The following PTAR1 variants were observed in gnomAD, a reference collection of about 807,000 sequenced individuals.
PTAR1 encodes the protein protein prenyltransferase alpha subunit repeat containing 1.
Under a neutral mutation model 45.5 loss-of-function variants are expected in PTAR1, and 17 were observed. That is an observed-to-expected ratio of 0.37 (90% CI 0.26 to 0.56). The LOEUF (loss-of-function observed/expected upper bound fraction) is 0.56, where lower values mean the gene tolerates loss of function less well. Ranked by LOEUF, PTAR1 falls within the 20% of genes least tolerant of loss-of-function variation. PTAR1 has a pLI of 0.77. For missense variants in PTAR1, 391 were observed against 476.3 expected (o/e 0.82, Z 1.67); for synonymous variants, 169 against 171.3 (o/e 0.99, Z 0.11).
intron 1 of PTAR1, among the ~76,000 whole-genome samples, chr9:69,755,764 T>G (rs1242520939): frequency 2.0e-5 from 3 of 152,238 alleles, no homozygotes; most frequent in Non-Finnish European, 2.9e-5. Flanking sequence ...TTTAGATATT[T>G]CAGAAACCTT....
chr9:69,750,694 G>C (rs1484208682), intron 2 of PTAR1, 87 bp downstream of exon 2: 3 of 928,400 alleles, frequency 3.2e-6, no homozygotes, highest in African/African-American at 1.7e-5. Flanking sequence ...TAGAATCCAG[G>C]AATGCTGACA....
intron 4 of PTAR1, 128 bp downstream of exon 4, chr9:69,734,022 T>G: frequency 1.6e-6 from 1 of 606,926 alleles, no homozygotes; most frequent in Non-Finnish European, 2.9e-6. Context: ...TAGATTTAAA[T>G]GTAGGTAACC....
At chr9:69,753,140 A>AT (rs76837967) in intron 1 of PTAR1, among the ~76,000 whole-genome samples, 5 of 150,026 alleles carry the variant, frequency 3.3e-5, no homozygotes, top group Admixed American at 2.0e-4. Context: ...TTTGGGGGGG[A>AT]TTTTTTTTTT....
intron 1 of PTAR1, among the ~76,000 whole-genome samples, chr9:69,753,807 T>A (rs1826640677): frequency 6.6e-6 from 1 of 152,210 alleles, no homozygotes; most frequent in African/African-American, 2.4e-5. Flanking sequence ...GTTTCCATTC[T>A]ATCCACTGAC....
chr9:69,753,149 TTA>T (rs938194061), intron 1 of PTAR1, among the ~76,000 whole-genome samples: 9 of 152,090 alleles, frequency 5.9e-5, no homozygotes, highest in African/African-American at 2.2e-4. Flanking sequence ...GATTTTTTTT[TTA>T]AACTTAAATT....
In PTAR1 at chr9:69,710,257, T is replaced by C. The variant is rs531360769; in HGVS notation, c.*8085A>G. ...GCAAAATACACTCAAATCTAAGACT[T>C]AGTATGGAAGAAAAAGAAGATAAGG... On this transcript the variant is annotated 3_prime_UTR_variant, in exon 8 of 8. Transcript: ENST00000340434. 6.6e-6 allele frequency: 1 copy of C among 152,234 alleles called. No homozygotes were observed. Among genetic ancestry groups the C allele is most frequent in the South Asian group, 2.1e-4 (1 of 4,826 alleles). The allele number at this position is 152,234 out of a possible 1,614,324, so 9.4% of individuals were successfully genotyped here.
chr9:69,752,417 A>AT (rs979743079), intron 1 of PTAR1, among the ~76,000 whole-genome samples: 41 of 152,202 alleles, frequency 2.7e-4, no homozygotes, highest in African/African-American at 9.4e-4. Context: ...TGGCACAGGG[A>AT]TTTATCAATA....
intron 3 of PTAR1, among the ~76,000 whole-genome samples, chr9:69,736,288 GTAGC>G (rs1423507932): frequency 6.6e-6 from 1 of 152,060 alleles, no homozygotes; most frequent in African/African-American, 2.4e-5. Flanking sequence ...GCTGGGCACG[GTAGC>G]TCACGCCTGT....
rs1824536486 is a variant in PTAR1, at chr9:69,711,842, T to G, written c.*6500A>C. The G allele has an allele frequency of 6.6e-6, 1 of 152,138 alleles. No homozygotes were observed. The highest frequency in any genetic ancestry group is 1.5e-5 in the Non-Finnish European group (1 of 68,028). The allele number at this position is 152,138 out of a possible 1,614,324, so 9.4% of individuals were successfully genotyped here. ...CATGTCAAATGATATAATTTCAAAATTCCACACATATATTACTCTACAAAT... is the reference window on the plus strand; with the variant it reads ...CATGTCAAATGATATAATTTCAAAAGTCCACACATATATTACTCTACAAAT... On this transcript the variant is annotated 3_prime_UTR_variant, in exon 8 of 8. Coordinates refer to ENST00000340434, the MANE Select transcript of PTAR1 (RefSeq NM_001099666.2).
chr9:69,722,728 C>T (rs1438327100), intron 6 of PTAR1, among the ~76,000 whole-genome samples: 3 of 151,640 alleles, frequency 2.0e-5, no homozygotes, highest in Non-Finnish European at 4.4e-5. Context: ...CACCTGAGGT[C>T]AGGAGTTCGA....
rs1263297977 is a variant in PTAR1 at position 69,719,025 on chromosome 9, TAA to T, written c.948-343_948-342del. Among the ~76,000 whole-genome samples, 2 of 152,332 alleles carry T rather than the reference TAA, an allele frequency of 1.3e-5. 1 individual carries two copies. Among genetic ancestry groups the T allele is most frequent in the Admixed American group, 1.3e-4 (2 of 15,296 alleles). ...ATATGTGACAGTCTTATTTCTGCTA[TAA>T]GTTATAAATATAAAACAAAACCAAG... On this transcript the variant is annotated intron_variant, in intron 6 of 7. Coordinates refer to ENST00000340434, the MANE Select transcript of PTAR1 (RefSeq NM_001099666.2).
At chr9:69,725,614 A>G (rs1301284528) in intron 5 of PTAR1, among the ~76,000 whole-genome samples, 1 of 151,750 alleles carries the variant, frequency 6.6e-6, no homozygotes, top group Non-Finnish European at 1.5e-5. Context: ...ATATATATAT[A>G]TATTTTCAAC....
chr9:69,726,773 A>G (rs1489700570), intron 5 of PTAR1, among the ~76,000 whole-genome samples: 1 of 151,784 alleles, frequency 6.6e-6, no homozygotes, highest in Non-Finnish European at 1.5e-5. Flanking sequence ...CTCTACTTTT[A>G]TGAATTATCT....
chr9:69,744,363 G>A (rs1451473605), intron 2 of PTAR1, among the ~76,000 whole-genome samples: 1 of 149,772 alleles, frequency 6.7e-6, no homozygotes, highest in Non-Finnish European at 1.5e-5. Context: ...CTACCTAGTT[G>A]GAAAAAAATC....
intron 3 of PTAR1, among the ~76,000 whole-genome samples, chr9:69,740,969 G>A (rs543109111): frequency 1.3e-5 from 2 of 152,204 alleles, no homozygotes; most frequent in African/African-American, 4.8e-5. Flanking sequence ...AAAATATGAT[G>A]TGCAGTTTAT....
chr9:69,717,079 G>A lies in PTAR1; in HGVS notation c.*1263C>T, dbSNP rs770252389. 7 of 152,000 alleles carry A rather than the reference G, an allele frequency of 4.6e-5. No homozygotes were observed. The highest frequency in any genetic ancestry group is 1.7e-4 in the African/African-American group (7 of 41,370). 9.4% of individuals were successfully genotyped at this position (152,000 alleles called of 1,614,324 possible). On this transcript the variant is annotated 3_prime_UTR_variant, in exon 8 of 8. Transcript: ENST00000340434. ...CCTTGTTATTGGAAACATAAGATAC[G>A]GCTATAATGTGGATACTTTGGTACC...
chr9:69,718,129 C>G lies in PTAR1; in HGVS notation c.*213G>C, dbSNP rs184622934. 3 of 455,694 alleles carry G rather than the reference C, an allele frequency of 6.6e-6. No individual in the cohort carries two copies. Among genetic ancestry groups the G allele is most frequent in the Admixed American group, 3.7e-5 (1 of 26,802 alleles). The allele number at this position is 455,694 out of a possible 1,614,324, so 28.2% of individuals were successfully genotyped here. ...AACAGAAAATTTAAGACTCGCTGTT[C>G]AGCAGGAAGGAACTATACGATTATT... On this transcript the variant is annotated 3_prime_UTR_variant, in exon 8 of 8. Transcript: ENST00000340434.
intron 3 of PTAR1, among the ~76,000 whole-genome samples, chr9:69,737,272 G>A (rs1013383568): frequency 2.0e-5 from 3 of 151,860 alleles, no homozygotes; most frequent in African/African-American, 7.3e-5. Context: ...GTGGAGACAG[G>A]GTCTCACCAT....
intron 5 of PTAR1, among the ~76,000 whole-genome samples, chr9:69,725,840 A>T (rs540492425): frequency 1.3e-5 from 2 of 152,210 alleles, no homozygotes; most frequent in South Asian, 2.1e-4. Context: ...TGATCTAAAG[A>T]TACTATATGA....
Sources: gnomAD v4.1 joint callset for allele counts (sites outside exome capture counted in the v4.1 genomes callset) on GRCh38, gnomAD v4.1.1 for gene constraint, MANE v1.5 for transcripts, NCBI Gene and HGNC (gene_info 2026-07-23, HGNC 2026-07-21) for gene names.